Variants in CHRM3 observed in about 807,000 individuals in gnomAD.
CHRM3 encodes the protein muscarinic acetylcholine receptor M3.
A neutral mutation model predicts 41.8 loss-of-function variants in CHRM3; 11 were observed. The observed-to-expected ratio is 0.26, with a 90% CI of 0.17 to 0.44. The LOEUF (loss-of-function observed/expected upper bound fraction) is 0.44, where lower values mean the gene tolerates loss of function less well. CHRM3 is among the 20% of genes least tolerant of loss of function. The pLI is 1.00. For synonymous variants in CHRM3, 297 were observed against 301.4 expected, an observed-to-expected ratio of 0.99 and a Z score of 0.15; for missense variants, 571 against 745.4, an observed-to-expected ratio of 0.77 and a Z score of 2.72.
At chr1:239,431,392 A>G (rs72754670) in intron 1 of CHRM3, among the ~76,000 whole-genome samples, 468 of 152,352 alleles carry the variant, frequency 3.1e-3, no homozygotes, top group Non-Finnish European at 4.5e-3. Flanking sequence ...GCCTGAGGAT[A>G]TAACTACACA....
intron 4 of CHRM3, among the ~76,000 whole-genome samples, chr1:239,670,366 C>G (rs1674235709): frequency 6.6e-6 from 1 of 151,928 alleles, no homozygotes; most frequent in Non-Finnish European, 1.5e-5. Flanking sequence ...ATTTCTGTGT[C>G]TGACTTCTTT....
At chr1:239,747,986 G>A (rs1464118979) in intron 5 of CHRM3, among the ~76,000 whole-genome samples, 1 of 152,134 alleles carries the variant, frequency 6.6e-6, no homozygotes, top group African/African-American at 2.4e-5. Flanking sequence ...GCAGTGAGCC[G>A]AAATCGTGCC....
intron 5 of CHRM3, among the ~76,000 whole-genome samples, chr1:239,813,541 T>C (rs577140238): frequency 1.3e-5 from 2 of 152,194 alleles, no homozygotes; most frequent in African/African-American, 4.8e-5. Flanking sequence ...TCAGCAAATA[T>C]ATATCTTCTA....
At chr1:239,675,852 A>G (rs1041449689) in intron 4 of CHRM3, among the ~76,000 whole-genome samples, 1 of 152,178 alleles carries the variant, frequency 6.6e-6, no homozygotes, top group Non-Finnish European at 1.5e-5. Context: ...GGAGTTTAAA[A>G]GAAAACATGG....
intron 4 of CHRM3, among the ~76,000 whole-genome samples, chr1:239,655,176 A>G (rs762828576): frequency 2.0e-4 from 30 of 152,178 alleles, no homozygotes; most frequent in Non-Finnish European, 3.2e-4. Context: ...TATAAGTTCT[A>G]TTGTCTTGGT....
intron 2 of CHRM3, among the ~76,000 whole-genome samples, chr1:239,521,048 A>G (rs2148265152): frequency 6.6e-6 from 1 of 152,340 alleles, no homozygotes; most frequent in South Asian, 2.1e-4. Flanking sequence ...CATACAAAGG[A>G]AATCTTTTAG....
chr1:239,722,373 T>C (rs1312157255), intron 5 of CHRM3, among the ~76,000 whole-genome samples: 3 of 151,948 alleles, frequency 2.0e-5, no homozygotes, highest in Non-Finnish European at 4.4e-5. Flanking sequence ...GTTAGTTGCA[T>C]GAACAGATAT....
At position 239,893,273 on chromosome 1, in the gene CHRM3, C is replaced by T. The variant is rs535395689; in HGVS notation, c.-19-14160C>T. Among the ~76,000 whole-genome samples, 4 of 152,328 alleles carry T rather than the reference C, an allele frequency of 2.6e-5. 1 individual carries two copies. The South Asian group carries it at 8.3e-4, about 32-fold the overall frequency. ...TAACCATTCATCTAACAAATATTTA[C>T]TTAGTAAACTGCTACCAGTGATTAC... On this transcript the variant is annotated intron_variant, in intron 6 of 6. Coordinates refer to ENST00000676153, the MANE Select transcript of CHRM3 (RefSeq NM_001375978.1).
rs1330013110 is a variant in CHRM3 at position 239,913,706 on chromosome 1, A to G, written c.*4482A>G. On this transcript the variant is annotated 3_prime_UTR_variant, in exon 7 of 7. Transcript: ENST00000676153. The stretch of plus-strand genomic sequence containing the variant: ...CTCATGATAAGAAAATAAAAATGAG[A>G]AAAGAAGATCTAGTTCATAAAATGA... 2 of 167,022 alleles carry G rather than the reference A, an allele frequency of 1.2e-5. No individual in the cohort carries two copies. The highest frequency in any genetic ancestry group is 3.8e-4 in the East Asian group (2 of 5,200). 10.3% of individuals were successfully genotyped at this position (167,022 alleles called of 1,614,324 possible).
rs1680357770 is a variant in CHRM3, at chr1:239,911,324, A to C, written c.*2100A>C. Reference sequence around the variant, plus strand: ...GCCCACATTCAACCAAAGAACAAGAAAGAAACAGACGATTTTCTAATATGT... The same window carrying C: ...GCCCACATTCAACCAAAGAACAAGACAGAAACAGACGATTTTCTAATATGT... On this transcript the variant is annotated 3_prime_UTR_variant, in exon 7 of 7. Coordinates refer to ENST00000676153, the MANE Select transcript of CHRM3 (RefSeq NM_001375978.1). 6.0e-6 allele frequency: 1 copy of C among 167,086 alleles called. No individual in the cohort carries two copies. The highest frequency in any genetic ancestry group is 2.4e-5 in the African/African-American group (1 of 41,462). 10.4% of individuals were successfully genotyped at this position (167,086 alleles called of 1,614,324 possible). A position where few individuals can be genotyped will look rare whatever the true frequency, so the allele number is the denominator to read the frequency against.
chr1:239,409,811 G>A (rs1196182570), intron 1 of CHRM3, among the ~76,000 whole-genome samples: 2 of 152,076 alleles, frequency 1.3e-5, no homozygotes, highest in African/African-American at 4.8e-5. Flanking sequence ...GCGTGGTTGC[G>A]GGCGCCTGTA....
chr1:239,809,872 G>T (rs1231154002), intron 5 of CHRM3, among the ~76,000 whole-genome samples: 1 of 152,118 alleles, frequency 6.6e-6, no homozygotes, highest in African/African-American at 2.4e-5. Flanking sequence ...TGGGCCTTAT[G>T]AAAAGATAAG....
At chr1:239,589,177 G>A (rs1211685656) in intron 3 of CHRM3, among the ~76,000 whole-genome samples, 3 of 151,860 alleles carry the variant, frequency 2.0e-5, no homozygotes, top group Non-Finnish European at 4.4e-5. Context: ...CAAGTGATCC[G>A]CCCTCCTCAG....
At chr1:239,659,777 A>G (rs560244154) in intron 4 of CHRM3, among the ~76,000 whole-genome samples, 4 of 152,300 alleles carry the variant, frequency 2.6e-5, no homozygotes, top group South Asian at 2.1e-4. Flanking sequence ...TCCAACATGT[A>G]TAGAGGAGAA....
chr1:239,874,136 G>A (rs965228928), intron 6 of CHRM3, among the ~76,000 whole-genome samples: 2 of 151,442 alleles, frequency 1.3e-5, no homozygotes, highest in Non-Finnish European at 2.9e-5. Flanking sequence ...CAGATGGAAT[G>A]GTTTTGAACT....
chr1:239,532,009 C>CTTTTTTTTTTTTTTTTTT (rs34798101), intron 2 of CHRM3, among the ~76,000 whole-genome samples: 1 of 76,292 alleles, frequency 1.3e-5, no homozygotes, highest in Non-Finnish European at 2.3e-5. Flanking sequence ...TTCCTTCTTT[C>CTTTTTTTTTTTTTTTTTT]TTTTTTTTTT....
At chr1:239,551,119 G>GAAA in intron 3 of CHRM3, among the ~76,000 whole-genome samples, 1 of 141,384 alleles carries the variant, frequency 7.1e-6, no homozygotes, top group South Asian at 2.3e-4. Context: ...GGGAAAGGTG[G>GAAA]AAAATGCATA....
intron 5 of CHRM3, among the ~76,000 whole-genome samples, chr1:239,818,402 C>T (rs1214291678): frequency 6.6e-6 from 1 of 152,190 alleles, no homozygotes; most frequent in East Asian, 1.9e-4. Context: ...TAATATACAT[C>T]ATAGGGGCAC....
intron 5 of CHRM3, among the ~76,000 whole-genome samples, chr1:239,804,773 C>CA (rs1670498769): frequency 6.6e-6 from 1 of 152,154 alleles, no homozygotes; most frequent in Non-Finnish European, 1.5e-5. Flanking sequence ...TATGATTCTT[C>CA]AAAATCTTCC....
Sources: allele counts gnomAD v4.1 joint callset (sites outside exome capture counted in the v4.1 genomes callset), GRCh38; gene constraint gnomAD v4.1.1; transcripts MANE v1.5; gene names NCBI Gene and HGNC (gene_info 2026-07-23, HGNC 2026-07-21).